Variants in PLPP4 observed in about 807,000 individuals in gnomAD.
The protein encoded by PLPP4 is phospholipid phosphatase 4.
Under a neutral mutation model 32.2 loss-of-function variants are expected in PLPP4, and 20 were observed. The observed-to-expected ratio is 0.62, with a 90% CI of 0.44 to 0.90. PLPP4 has a LOEUF of 0.90. Among genes scored for constraint, PLPP4 ranks in the 40% least tolerant of loss-of-function variants. The probability of loss-of-function intolerance (pLI) is 0.00; values close to 1 mark genes in which losing one functional copy is unlikely to be tolerated. For synonymous variants in PLPP4, 127 were observed against 133.0 expected, an observed-to-expected ratio of 0.95 and a Z score of 0.31; for missense variants, 257 against 353.1, an observed-to-expected ratio of 0.73 and a Z score of 2.18.
intron 1 of PLPP4, among the ~76,000 whole-genome samples, chr10:120,503,180 C>T (rs988167234): frequency 1.6e-4 from 25 of 152,328 alleles, no homozygotes; most frequent in African/African-American, 6.0e-4. Context: ...AAATCAAAGT[C>T]CTCTAGCCTG....
At position 120,535,997 on chromosome 10, in the gene PLPP4, CATCTTT is replaced by C. The variant is rs1384232947; in HGVS notation, c.445+14903_445+14908del. Among the ~76,000 whole-genome samples the C allele has an allele frequency of 2.0e-5, 3 of 151,962 alleles. No individual in the cohort carries two copies. In the East Asian group the frequency reaches 5.8e-4, roughly 29 times the overall value. The stretch of plus-strand genomic sequence containing the variant: ...ATTACCATGTGTCCTTTGTAATGGA[CATCTTT>C]TGGGAAATGGACATCTATAAAATAT... On this transcript the variant is annotated intron_variant, in intron 5 of 6. Coordinates refer to ENST00000398250, the MANE Select transcript of PLPP4 (RefSeq NM_001030059.3).
At chr10:120,585,057 T>G (rs1246106950) in intron 6 of PLPP4, among the ~76,000 whole-genome samples, 1 of 152,244 alleles carries the variant, frequency 6.6e-6, no homozygotes, top group East Asian at 1.9e-4. Context: ...GTTTTGCTCT[T>G]TGGTCTGTTT....
At chr10:120,464,375 G>T (rs903652089) in intron 1 of PLPP4, among the ~76,000 whole-genome samples, 1 of 152,170 alleles carries the variant, frequency 6.6e-6, no homozygotes, top group Non-Finnish European at 1.5e-5. Context: ...TTGTTGAAAT[G>T]AATCCATAAT....
At chr10:120,482,128 T>A (rs1325578900) in intron 1 of PLPP4, among the ~76,000 whole-genome samples, 1 of 152,174 alleles carries the variant, frequency 6.6e-6, no homozygotes, top group African/African-American at 2.4e-5. Context: ...TACAGTAAAT[T>A]GGTACCAGCA....
intron 1 of PLPP4, 41 bp from the exon 2 acceptor site, chr10:120,503,777 A>G (rs749614573): frequency 1.9e-6 from 3 of 1,596,946 alleles, no homozygotes; most frequent in Non-Finnish European, 2.6e-6. Context: ...CCACAGCAAC[A>G]GAACGCTCAA....
intron 1 of PLPP4, among the ~76,000 whole-genome samples, chr10:120,498,666 T>C (rs1589769159): frequency 2.7e-5 from 4 of 150,932 alleles, no homozygotes; most frequent in African/African-American, 9.8e-5. Flanking sequence ...TTTTTTTTTT[T>C]TCTTTTTTTT....
chr10:120,541,689 T>A (rs773123004), intron 5 of PLPP4, among the ~76,000 whole-genome samples: 8 of 152,154 alleles, frequency 5.3e-5, no homozygotes, highest in Non-Finnish European at 1.0e-4. Flanking sequence ...CCATGTCTTG[T>A]AGTTGTTCAA....
At chr10:120,466,485 A>G (rs1848318846) in intron 1 of PLPP4, among the ~76,000 whole-genome samples, 1 of 152,192 alleles carries the variant, frequency 6.6e-6, no homozygotes, top group South Asian at 2.1e-4. Context: ...AAAAAAAGTC[A>G]CGTGAAAGAG....
intron 1 of PLPP4, among the ~76,000 whole-genome samples, chr10:120,475,750 TG>T (rs1843873167): frequency 6.6e-6 from 1 of 152,146 alleles, no homozygotes; most frequent in Non-Finnish European, 1.5e-5. Flanking sequence ...CAGGGGTGGG[TG>T]TTCCTGGAGG....
chr10:120,582,927 C>A (rs188412704), intron 6 of PLPP4, among the ~76,000 whole-genome samples: 9 of 151,760 alleles, frequency 5.9e-5, no homozygotes, highest in Non-Finnish European at 8.8e-5. Flanking sequence ...TTATACTGTA[C>A]CAGGGCTATT....
chr10:120,496,912 AGT>A (rs3066553), intron 1 of PLPP4, among the ~76,000 whole-genome samples: 16,272 of 149,160 alleles, frequency 0.11, 944 homozygotes, highest in Middle Eastern at 0.21. Context: ...AGAATGTGTG[AGT>A]GTGTGTGTGT....
At chr10:120,562,474 A>G (rs1424195465) in intron 5 of PLPP4, among the ~76,000 whole-genome samples, 1 of 152,118 alleles carries the variant, frequency 6.6e-6, no homozygotes, top group African/African-American at 2.4e-5. Flanking sequence ...GCAATGTTCT[A>G]GAAGTGGGGA....
chr10:120,534,985 T>C (rs1846945860), intron 5 of PLPP4, among the ~76,000 whole-genome samples: 1 of 152,140 alleles, frequency 6.6e-6, no homozygotes, highest in East Asian at 1.9e-4. Flanking sequence ...TTTCTCCTGG[T>C]GTGTGATCAG....
intron 5 of PLPP4, among the ~76,000 whole-genome samples, chr10:120,545,217 T>C (rs1406817646): frequency 6.6e-6 from 1 of 152,244 alleles, no homozygotes; most frequent in Non-Finnish European, 1.5e-5. Context: ...TCTTACCCTT[T>C]CCTGGTCCTT....
chr10:120,513,800 A>G, intron 2 of PLPP4, 111 bp from the exon 3 acceptor site: 2 of 837,010 alleles, frequency 2.4e-6, no homozygotes, highest in South Asian at 2.9e-5. Flanking sequence ...GGAGTTCAGT[A>G]AGATTATTCA....
intron 1 of PLPP4, among the ~76,000 whole-genome samples, chr10:120,485,605 A>G (rs1024611261): frequency 3.3e-5 from 5 of 152,382 alleles, no homozygotes; most frequent in East Asian, 1.9e-4. Context: ...CAAAACATGC[A>G]CATGGTTTTT....
Position 120,513,991 on chromosome 10 carries a change from AG to A in PLPP4, c.247del (p.Ala83ProfsTer3). On this transcript the variant is annotated frameshift_variant, in exon 3 of 7. Transcript: ENST00000398250. LOFTEE classifies it high-confidence loss of function. ...RRTDKTEIKE[A>X]FLAVSLALAL... ...GAACAGACAAGACTGAAATTAAGGA[AG>A]CCTTCTTAGGTAGAGTATTCACAGT... is the stretch of plus-strand genomic sequence containing the variant. The A allele has an allele frequency of 6.2e-7, 1 of 1,611,778 alleles. No homozygotes were observed. Among genetic ancestry groups the A allele is most frequent in the Non-Finnish European group, 8.5e-7 (1 of 1,177,832 alleles).
Position 120,544,846 on chromosome 10 carries a change from G to A in PLPP4, c.445+23751G>A, listed in dbSNP as rs1016332380. ...TTGAGGCTTTGTGTAGCCCATCTGAGCAGAGCCAGGGGACCAGAGTGTCAA... is the reference window on the plus strand; with the variant it reads ...TTGAGGCTTTGTGTAGCCCATCTGAACAGAGCCAGGGGACCAGAGTGTCAA... On this transcript the variant is annotated intron_variant, in intron 5 of 6. Coordinates refer to ENST00000398250, the MANE Select transcript of PLPP4 (RefSeq NM_001030059.3). Among the ~76,000 whole-genome samples the A allele has an allele frequency of 4.6e-5, 7 of 152,364 alleles. No homozygotes were observed. In the East Asian group the frequency reaches 1.2e-3, roughly 25 times the overall value.
rs1269331614 is a variant in PLPP4, at chr10:120,570,438, TGTGTG to T, written c.446-4692_446-4688del. 2.6e-5 allele frequency among the ~76,000 whole-genome samples: 4 copies of T among 152,132 alleles called. No homozygotes were observed. In the East Asian group the frequency reaches 7.7e-4, roughly 29 times the overall value. Reference sequence around the variant, plus strand: ...ATAGATTGACTCATCAGAGCACAATTGTGTGTTCAGTGCCAGAAATTATCAGCTTG... The same window carrying T: ...ATAGATTGACTCATCAGAGCACAATTTTCAGTGCCAGAAATTATCAGCTTG... On this transcript the variant is annotated intron_variant, in intron 5 of 6. Coordinates refer to ENST00000398250, the MANE Select transcript of PLPP4 (RefSeq NM_001030059.3).
Sources: allele counts gnomAD v4.1 joint callset (sites outside exome capture counted in the v4.1 genomes callset), GRCh38; gene constraint gnomAD v4.1.1; transcripts MANE v1.5; gene names NCBI Gene and HGNC (gene_info 2026-07-23, HGNC 2026-07-21).